Variants in CYSLTR2 observed in about 807,000 individuals in gnomAD.
CYSLTR2 encodes the protein cysteinyl leukotriene receptor 2.
For missense variants in CYSLTR2, 398 were observed against 411.9 expected, an observed-to-expected ratio of 0.97 and a Z score of 0.29; for synonymous variants, 179 against 160.8, an observed-to-expected ratio of 1.11 and a Z score of -0.86.
intron 1 of CYSLTR2, among the ~76,000 whole-genome samples, chr13:48,673,322 G>C (rs1251192552): frequency 6.6e-6 from 1 of 151,572 alleles, no homozygotes; most frequent in Admixed American, 6.6e-5. Context: ...AGCATAGTTA[G>C]CTATTCTTGT....
At chr13:48,668,583 A>T (rs547330828) in intron 1 of CYSLTR2, among the ~76,000 whole-genome samples, 93 of 152,088 alleles carry the variant, frequency 6.1e-4, no homozygotes, top group Non-Finnish European at 1.2e-3. Context: ...GGGCATCATT[A>T]TCCTCATTTT....
chr13:48,666,348 T>C (rs1953261572), intron 1 of CYSLTR2, among the ~76,000 whole-genome samples: 1 of 152,216 alleles, frequency 6.6e-6, no homozygotes, highest in South Asian at 2.1e-4. Context: ...TCTTTGACTT[T>C]TGACAGTGTA....
Position 48,707,946 on chromosome 13 carries a change from C to T in CYSLTR2, c.*88C>T, listed in dbSNP as rs1045683879. 3 of 1,093,204 alleles carry T rather than the reference C, an allele frequency of 2.7e-6. No homozygotes were observed. The highest frequency in any genetic ancestry group is 3.8e-6 in the Non-Finnish European group (3 of 795,138). 67.7% of individuals were successfully genotyped at this position (1,093,204 alleles called of 1,614,324 possible). ...CAAATGACTTTGTATTTACATCACTCCCAACAAATGTTGATTCTTAATATT... is the reference window on the plus strand; with the variant it reads ...CAAATGACTTTGTATTTACATCACTTCCAACAAATGTTGATTCTTAATATT... On this transcript the variant is annotated 3_prime_UTR_variant, in exon 5 of 5. Coordinates refer to ENST00000682523, the MANE Select transcript of CYSLTR2 (RefSeq NM_001308476.3).
intron 1 of CYSLTR2, among the ~76,000 whole-genome samples, chr13:48,672,606 CTTTTCTTTTCTT>C (rs1329883233): frequency 9.0e-6 from 1 of 111,454 alleles, no homozygotes; most frequent in East Asian, 2.5e-4. Flanking sequence ...AGTTTCTTTT[CTTTTCTTTTCTT>C]TTTTTTTTTT....
At chr13:48,654,276 T>A (rs1480694238) in intron 1 of CYSLTR2, among the ~76,000 whole-genome samples, 3 of 110,414 alleles carry the variant, frequency 2.7e-5, no homozygotes, top group East Asian at 2.6e-4. Context: ...TGTGTGTGTG[T>A]GTGTGTGTGT....
At chr13:48,668,061 A>G (rs1027007725) in intron 1 of CYSLTR2, among the ~76,000 whole-genome samples, 5 of 152,162 alleles carry the variant, frequency 3.3e-5, no homozygotes, top group African/African-American at 1.2e-4. Flanking sequence ...AGTTCCCTCA[A>G]ATATGTGCTT....
intron 4 of CYSLTR2, among the ~76,000 whole-genome samples, chr13:48,706,046 G>A (rs1954477343): frequency 1.3e-5 from 2 of 149,570 alleles, no homozygotes; most frequent in Non-Finnish European, 3.0e-5. Context: ...GCCCCAGCTG[G>A]AGTGCAATGG....
chr13:48,706,872 C>G lies in CYSLTR2; in HGVS notation c.55C>G (p.Pro19Ala), dbSNP rs1177440595. The G allele has an allele frequency of 1.9e-6, 3 of 1,614,096 alleles. No homozygotes were observed. The highest frequency in any genetic ancestry group is 3.3e-4 in the Middle Eastern group (2 of 6,062). ...ATCCATCTCCGTATCAGAAATGGAA[C>G]CAAATGGCACCTTCAGCAATAACAA... ...QPSISVSEME[P>A]NGTFSNNNSR... is the part of the protein sequence containing the mutation. The change falls in exon 5 of 5, where the codon CCA becomes GCA. Residue 19 changes from proline (P) to alanine (A), a missense_variant. Transcript: ENST00000682523.
In CYSLTR2 at chr13:48,708,485, G is replaced by A. The variant is rs995067833; in HGVS notation, c.*627G>A. The A allele has an allele frequency of 3.0e-5, 5 of 167,102 alleles. No homozygotes were observed. The highest frequency in any genetic ancestry group is 7.3e-5 in the Non-Finnish European group (5 of 68,136). The allele number at this position is 167,102 out of a possible 1,614,324, so 10.4% of individuals were successfully genotyped here. A position where few individuals can be genotyped will look rare whatever the true frequency, so the allele number is the denominator to read the frequency against. Reference sequence around the variant, plus strand: ...GGAGAGAGGTTCTAACACACTGAAGGCAACCCTATTTCTACTGTTTCTCTC... The same window carrying A: ...GGAGAGAGGTTCTAACACACTGAAGACAACCCTATTTCTACTGTTTCTCTC... On this transcript the variant is annotated 3_prime_UTR_variant, in exon 5 of 5. Transcript: ENST00000682523.
At chr13:48,676,022 TG>T (rs1219194613) in intron 1 of CYSLTR2, among the ~76,000 whole-genome samples, 1 of 152,218 alleles carries the variant, frequency 6.6e-6, no homozygotes. Flanking sequence ...GTACCTCAGT[TG>T]GAAATGCAGA....
intron 4 of CYSLTR2, among the ~76,000 whole-genome samples, chr13:48,697,161 G>C (rs553403533): frequency 3.3e-5 from 5 of 152,314 alleles, no homozygotes; most frequent in African/African-American, 1.2e-4. Context: ...GAAGAGAGTA[G>C]TACTTCTCCC....
chr13:48,688,121 G>A (rs1489591890), intron 1 of CYSLTR2, among the ~76,000 whole-genome samples: 1 of 152,104 alleles, frequency 6.6e-6, no homozygotes, highest in Non-Finnish European at 1.5e-5. Flanking sequence ...CTCAGCAGAT[G>A]TATTTTTCTG....
chr13:48,656,076 T>TAAA (rs67558969), intron 1 of CYSLTR2, among the ~76,000 whole-genome samples: 13 of 152,026 alleles, frequency 8.6e-5, no homozygotes, highest in Admixed American at 4.6e-4. Context: ...TCAAGAAAGA[T>TAAA]AAAAAAACCA....
chr13:48,674,243 TC>T (rs1258899479), intron 1 of CYSLTR2, among the ~76,000 whole-genome samples: 1 of 152,236 alleles, frequency 6.6e-6, no homozygotes. Flanking sequence ...ATTCTCCCCG[TC>T]ACTTTCAGGT....
At chr13:48,684,072 C>T (rs541106192) in intron 1 of CYSLTR2, among the ~76,000 whole-genome samples, 1 of 152,264 alleles carries the variant, frequency 6.6e-6, no homozygotes, top group South Asian at 2.1e-4. Flanking sequence ...GTGCACACCA[C>T]CATACCTGGC....
At chr13:48,668,216 A>G (rs1362126737) in intron 1 of CYSLTR2, among the ~76,000 whole-genome samples, 1 of 151,962 alleles carries the variant, frequency 6.6e-6, no homozygotes, top group East Asian at 1.9e-4. Flanking sequence ...AGTAGTTTTT[A>G]TACAAGTGCC....
At chr13:48,655,509 C>T (rs150945402) in intron 1 of CYSLTR2, among the ~76,000 whole-genome samples, 69 of 152,176 alleles carry the variant, frequency 4.5e-4, no homozygotes, top group Non-Finnish European at 8.5e-4. Flanking sequence ...AGAGCCACAG[C>T]GCCTAAACCA....
intron 4 of CYSLTR2, among the ~76,000 whole-genome samples, chr13:48,705,630 C>T (rs113183148): frequency 6.8e-6 from 1 of 147,900 alleles, no homozygotes; most frequent in Non-Finnish European, 1.5e-5. Context: ...TAAAGATATA[C>T]ATATATATAT....
chr13:48,656,666 G>T (rs1953005789), intron 1 of CYSLTR2, among the ~76,000 whole-genome samples: 1 of 152,142 alleles, frequency 6.6e-6, no homozygotes, highest in East Asian at 1.9e-4. Flanking sequence ...AGTACATGAT[G>T]GTTACCTTGG....
Sources: allele counts gnomAD v4.1 joint callset (sites outside exome capture counted in the v4.1 genomes callset), GRCh38; gene constraint gnomAD v4.1.1; transcripts MANE v1.5; gene names NCBI Gene and HGNC (gene_info 2026-07-23, HGNC 2026-07-21).